The following ELSPBP1 variants were observed in gnomAD, a reference collection of about 807,000 sequenced individuals.
ELSPBP1 encodes the protein epididymal sperm-binding protein 1.
ELSPBP1 carries 38 observed loss-of-function variants against 33.3 expected under a neutral mutation model. The observed-to-expected ratio is 1.14, with a 90% CI of 0.88 to 1.50. The LOEUF (loss-of-function observed/expected upper bound fraction) is 1.50. Ranked by LOEUF, ELSPBP1 falls within the 40% of genes most tolerant of loss-of-function variation. The probability of loss-of-function intolerance (pLI) is 0.00; values close to 1 mark genes in which losing one functional copy is unlikely to be tolerated. For missense variants in ELSPBP1, 267 were observed against 263.5 expected (o/e 1.01, Z -0.09); for synonymous variants, 85 against 94.1 (o/e 0.90, Z 0.56).
intron 1 of ELSPBP1, among the ~76,000 whole-genome samples, chr19:48,005,670 GGAT>G (rs1014523490): frequency 6.6e-6 from 1 of 152,064 alleles, no homozygotes; most frequent in African/African-American, 2.4e-5. Flanking sequence ...ATACTATTTT[GGAT>G]GATATTTATG....
At chr19:48,015,691 T>C (rs1166096941) in intron 3 of ELSPBP1, among the ~76,000 whole-genome samples, 1 of 152,062 alleles carries the variant, frequency 6.6e-6, no homozygotes, top group Non-Finnish European at 1.5e-5. Flanking sequence ...GAAACTCACA[T>C]ATAAGTGGAC....
Position 47,998,425 on chromosome 19 carries a change from A to ATC in ELSPBP1, c.-18+3614_-18+3615insTC, listed in dbSNP as rs1568402346. On this transcript the variant is annotated intron_variant, in intron 1 of 6. Coordinates refer to ENST00000339841, the MANE Select transcript of ELSPBP1 (RefSeq NM_022142.5). Reference sequence around the variant, plus strand: ...GACTCCATCTCAAAAAAAAGAAAAAAAATCAATCAATCAATCAATCAATCT... The same window carrying ATC: ...GACTCCATCTCAAAAAAAAGAAAAAATCAATCAATCAATCAATCAATCAATCT... 3.6e-3 allele frequency among the ~76,000 whole-genome samples: 547 copies of ATC among 151,774 alleles called. 1 individual carries two copies. Among genetic ancestry groups the ATC allele is most frequent in the African/African-American group, 0.013 (523 of 41,298 alleles).
intron 5 of ELSPBP1, among the ~76,000 whole-genome samples, chr19:48,021,010 C>T (rs1012227264): frequency 6.6e-6 from 1 of 152,178 alleles, no homozygotes; most frequent in African/African-American, 2.4e-5. Flanking sequence ...AAAATTGAGA[C>T]CCATTTACCC....
chr19:48,025,055 A>C lies in ELSPBP1; in HGVS notation c.*111A>C, dbSNP rs1312618765. The C allele has an allele frequency of 1.3e-5, 2 of 152,198 alleles. No homozygotes were observed. Among genetic ancestry groups the C allele is most frequent in the East Asian group, 3.8e-4 (2 of 5,206 alleles). The allele number at this position is 152,198 out of a possible 1,614,324, so 9.4% of individuals were successfully genotyped here. ...CAAGCTTAAATAACCACCTTTAGAA[A>C]TACCCTCTGCACCACCTGCTTCAAT... On this transcript the variant is annotated 3_prime_UTR_variant, in exon 7 of 7. Coordinates refer to ENST00000339841, the MANE Select transcript of ELSPBP1 (RefSeq NM_022142.5).
intron 6 of ELSPBP1, among the ~76,000 whole-genome samples, chr19:48,023,289 AAAGGAAGGAAGGAGAG>A (rs142825375): frequency 8.0e-6 from 1 of 124,798 alleles, no homozygotes; most frequent in Admixed American, 8.0e-5. Context: ...AGGAGGGAGG[AAAGGAAGGAAGGAGAG>A]AAGAAAGGAA....
rs566980872 is a variant in ELSPBP1 at position 48,023,912 on chromosome 19, C to T, written c.*8-1040C>T. On this transcript the variant is annotated intron_variant, in intron 6 of 6. Transcript: ENST00000339841. Reference sequence around the variant, plus strand: ...TTGAGACGGGGTCTCACTCTGTCGCCCAGGCTGGAGTGCAGTGGTGCAATC... The same window carrying T: ...TTGAGACGGGGTCTCACTCTGTCGCTCAGGCTGGAGTGCAGTGGTGCAATC... Among the ~76,000 whole-genome samples the T allele has an allele frequency of 4.0e-5, 6 of 151,384 alleles. No individual in the cohort carries two copies. In the East Asian group the frequency reaches 9.7e-4, roughly 24 times the overall value.
At chr19:48,024,804 T>A (rs1293121172) in intron 6 of ELSPBP1, 148 bp from the exon 7 acceptor site, 1 of 152,262 alleles carries the variant, frequency 6.6e-6, no homozygotes, top group East Asian at 1.9e-4. Context: ...TAGGCAGGGA[T>A]GTGGGGGTGG....
chr19:48,011,565 GATC>G lies in ELSPBP1; in HGVS notation c.71-2598_71-2596del, dbSNP rs371731320. ...TGACAATGATGATGATGACAATGAT[GATC>G]ATCATCACATGATAATGACAATAAT... On this transcript the variant is annotated intron_variant, in intron 2 of 6. Coordinates refer to ENST00000339841, the MANE Select transcript of ELSPBP1 (RefSeq NM_022142.5). The surrounding 1 kb of genome is among the most constrained non-coding windows in gnomAD (Gnocchi z 4.5). 2.6e-5 allele frequency among the ~76,000 whole-genome samples: 4 copies of G among 151,502 alleles called. No homozygotes were observed. Among genetic ancestry groups the G allele is most frequent in the Non-Finnish European group, 4.4e-5 (3 of 67,872 alleles).
At chr19:48,023,207 A>AGGAGGGAAGGAAGGAG (rs1221267463) in intron 6 of ELSPBP1, among the ~76,000 whole-genome samples, 2 of 131,422 alleles carry the variant, frequency 1.5e-5, no homozygotes, top group African/African-American at 5.7e-5. Context: ...AAAGGAAGGA[A>AGGAGGGAAGGAAGGAG]GGAGGGAAGG....
At chr19:48,019,122 C>G (rs1249631827) in intron 4 of ELSPBP1, among the ~76,000 whole-genome samples, 1 of 152,084 alleles carries the variant, frequency 6.6e-6, no homozygotes, top group Non-Finnish European at 1.5e-5. Context: ...CCACTGCACT[C>G]CAGCCTGGTT....
chr19:48,015,049 C>T (rs1321136717), intron 3 of ELSPBP1, among the ~76,000 whole-genome samples: 1 of 152,036 alleles, frequency 6.6e-6, no homozygotes, highest in Non-Finnish European at 1.5e-5. Context: ...GACGAGACGG[C>T]TTACCAGTAA....
At chr19:48,023,489 AGGGAG>A (rs879740794) in intron 6 of ELSPBP1, among the ~76,000 whole-genome samples, 22,612 of 65,444 alleles carry the variant, frequency 0.35, 2,426 homozygotes, top group Non-Finnish European at 0.45. Context: ...GAGGGAAGGG[AGGGAG>A]GGAAGGAAAA....
At chr19:47,996,440 A>G (rs1438370481) in intron 1 of ELSPBP1, among the ~76,000 whole-genome samples, 1 of 152,168 alleles carries the variant, frequency 6.6e-6, no homozygotes, top group Non-Finnish European at 1.5e-5. Flanking sequence ...AGAAGGATAA[A>G]TGAATGGACA....
intron 6 of ELSPBP1, among the ~76,000 whole-genome samples, chr19:48,024,014 G>A (rs1014877534): frequency 6.6e-6 from 1 of 150,914 alleles, no homozygotes; most frequent in Admixed American, 6.6e-5. Flanking sequence ...GGGATTACAG[G>A]GGTGTGCCAC....
chr19:48,023,490 G>GGAAGTAAGGAAAGAAGGAAGAAAAGGGAA (rs375435091), intron 6 of ELSPBP1, among the ~76,000 whole-genome samples: 1 of 89,932 alleles, frequency 1.1e-5, no homozygotes, highest in South Asian at 4.5e-4. Flanking sequence ...AGGGAAGGGA[G>GGAAGTAAGGAAAGAAGGAAGAAAAGGGAA]GGAGGGAAGG....
chr19:48,022,184 G>T lies in ELSPBP1; in HGVS notation c.529G>T (p.Val177Phe). The T allele has an allele frequency of 6.2e-7, 1 of 1,612,498 alleles. No individual in the cohort carries two copies. The highest frequency in any genetic ancestry group is 1.7e-4 in the Middle Eastern group (1 of 6,054). ...CTGCTTCCTAGGAATTTCCGCGTTG[G>T]TCCCTGGCTTTCCTTGTCACTTTCC... Reference protein sequence around the residue: ...FCADTRISALVPGFPCHFPFN... With the variant: ...FCADTRISALFPGFPCHFPFN... The change falls in exon 6 of 7, where the codon GTC (valine) becomes TTC (phenylalanine). Residue 177 changes from valine (V) to phenylalanine (F), a missense_variant. Val to Phe is a conservative substitution (Grantham distance 50). Coordinates refer to ENST00000339841, the MANE Select transcript of ELSPBP1 (RefSeq NM_022142.5).
intron 1 of ELSPBP1, among the ~76,000 whole-genome samples, chr19:48,003,886 C>CTTCTATTCTATTCTATTCTA (rs56297495): frequency 2.0e-4 from 23 of 114,276 alleles, no homozygotes; most frequent in African/African-American, 4.5e-4. Flanking sequence ...CTTCTGGTTG[C>CTTCTATTCTATTCTATTCTA]TTCTATTCTA....
intron 1 of ELSPBP1, among the ~76,000 whole-genome samples, chr19:47,998,672 A>T (rs562364533): frequency 6.6e-6 from 1 of 151,830 alleles, no homozygotes; most frequent in East Asian, 2.0e-4. Context: ...CTGTAGTCCC[A>T]GCTACGCGGG....
At chr19:48,008,794 C>A in intron 2 of ELSPBP1, 57 bp downstream of exon 2, 1 of 1,474,586 alleles carries the variant, frequency 6.8e-7, no homozygotes, top group Non-Finnish European at 9.4e-7. Flanking sequence ...ATGAATGGGG[C>A]AAAGCAAAGA....
Sources: allele counts gnomAD v4.1 joint callset (sites outside exome capture counted in the v4.1 genomes callset), GRCh38; gene constraint gnomAD v4.1.1; non-coding constraint Gnocchi (gnomAD v3.1); transcripts MANE v1.5; gene names NCBI Gene and HGNC (gene_info 2026-07-23, HGNC 2026-07-21).